The following AK5 variants were observed in gnomAD, a reference collection of about 807,000 sequenced individuals.
AK5 encodes the protein adenylate kinase 5, also known as adenylate kinase isoenzyme 5.
A neutral mutation model predicts 69.5 loss-of-function variants in AK5; 27 were observed. The observed-to-expected ratio is 0.39, with a 90% CI of 0.29 to 0.54. AK5 has a LOEUF of 0.54. Among genes scored for constraint, AK5 ranks in the 20% least tolerant of loss-of-function variants. The probability of loss-of-function intolerance (pLI) is 0.71; values close to 1 mark genes in which losing one functional copy is unlikely to be tolerated. For synonymous variants in AK5, 260 were observed against 244.4 expected, an observed-to-expected ratio of 1.06 and a Z score of -0.60; for missense variants, 531 against 700.4, an observed-to-expected ratio of 0.76 and a Z score of 2.73.
At chr1:77,352,551 T>C (rs1226445338) in intron 6 of AK5, among the ~76,000 whole-genome samples, 3 of 152,212 alleles carry the variant, frequency 2.0e-5, no homozygotes, top group Admixed American at 6.5e-5. Context: ...CCAGAAAATA[T>C]ATTGATAATG....
intron 8 of AK5, among the ~76,000 whole-genome samples, chr1:77,436,261 AT>A (rs951335011): frequency 7.2e-5 from 11 of 152,186 alleles, no homozygotes; most frequent in African/African-American, 2.6e-4. Flanking sequence ...AACAAAGAAC[AT>A]ATTTTTATCC....
chr1:77,472,041 A>G (rs1042812614), intron 8 of AK5, among the ~76,000 whole-genome samples: 17 of 152,224 alleles, frequency 1.1e-4, no homozygotes, highest in East Asian at 5.8e-4. Flanking sequence ...ATGAAATTGT[A>G]TATACTCATA....
intron 5 of AK5, among the ~76,000 whole-genome samples, chr1:77,316,294 G>A (rs1407054456): frequency 6.6e-6 from 1 of 151,976 alleles, no homozygotes; most frequent in African/African-American, 2.4e-5. Flanking sequence ...GAGAGAGTGA[G>A]GCCTGCTGAA....
At chr1:77,468,418 T>G (rs963951736) in intron 8 of AK5, among the ~76,000 whole-genome samples, 3 of 152,166 alleles carry the variant, frequency 2.0e-5, no homozygotes, top group African/African-American at 7.2e-5. Context: ...GGAATATTTG[T>G]GAAGTGCACA....
At chr1:77,387,670 G>T (rs1648122736) in intron 6 of AK5, among the ~76,000 whole-genome samples, 1 of 152,172 alleles carries the variant, frequency 6.6e-6, no homozygotes, top group Non-Finnish European at 1.5e-5. Flanking sequence ...ACTGGACCTA[G>T]AACGTCTTCA....
chr1:77,405,544 A>G (rs1244296613), intron 6 of AK5, among the ~76,000 whole-genome samples: 1 of 152,248 alleles, frequency 6.6e-6, no homozygotes, highest in East Asian at 1.9e-4. Context: ...GATCTCCTGC[A>G]GAGCCAGTAC....
intron 12 of AK5, among the ~76,000 whole-genome samples, chr1:77,534,561 A>G (rs1658852387): frequency 6.6e-6 from 1 of 152,234 alleles, no homozygotes; most frequent in African/African-American, 2.4e-5. Context: ...ATTTTATTTC[A>G]TCCTCACAGC....
chr1:77,518,571 T>C lies in AK5; in HGVS notation c.1155T>C (p.Pro385=). The C allele has an allele frequency of 6.2e-7, 1 of 1,614,052 alleles. No homozygotes were observed. ...ACATGACTTCTTTTCAAGGTGGTCCTGGCTCTGGCAAAGGCACACAGTGTG... is the reference window on the plus strand; with the variant it reads ...ACATGACTTCTTTTCAAGGTGGTCCCGGCTCTGGCAAAGGCACACAGTGTG... ...KCKIIFIIGG[P]GSGKGTQCEK... is the part of the protein sequence containing the mutation. The change falls in exon 11 of 14, where the codon CCT becomes CCC. Residue 385 remains proline, a synonymous_variant. Transcript: ENST00000354567.
intron 13 of AK5, among the ~76,000 whole-genome samples, chr1:77,536,999 A>G (rs1186551137): frequency 6.6e-6 from 1 of 152,208 alleles, no homozygotes; most frequent in African/African-American, 2.4e-5. Context: ...ACTATGTATC[A>G]GGAACCCATA....
intron 6 of AK5, among the ~76,000 whole-genome samples, chr1:77,357,539 G>T (rs1483134993): frequency 6.6e-6 from 1 of 152,134 alleles, no homozygotes; most frequent in Non-Finnish European, 1.5e-5. Context: ...CATTCATTGA[G>T]CACTTCACTG....
intron 8 of AK5, among the ~76,000 whole-genome samples, chr1:77,470,281 G>A (rs1386293248): frequency 6.6e-6 from 1 of 152,158 alleles, no homozygotes; most frequent in Non-Finnish European, 1.5e-5. Context: ...AAGGCGGGAG[G>A]ATCACTTGAG....
At chr1:77,406,574 C>T (rs893033097) in intron 6 of AK5, among the ~76,000 whole-genome samples, 7 of 152,116 alleles carry the variant, frequency 4.6e-5, no homozygotes, top group Non-Finnish European at 8.8e-5. Flanking sequence ...TCAACACTTA[C>T]TGGAGTAGAA....
intron 8 of AK5, among the ~76,000 whole-genome samples, chr1:77,431,979 G>A (rs977808887): frequency 3.3e-5 from 5 of 152,170 alleles, no homozygotes; most frequent in Admixed American, 1.3e-4. Flanking sequence ...GGTTGTGATG[G>A]CCTTTGTGTG....
At chr1:77,293,473 G>A (rs1658801659) in intron 2 of AK5, 1 of 200,746 alleles carries the variant, frequency 5.0e-6, no homozygotes, top group African/African-American at 2.4e-5. Flanking sequence ...AGTTTCATGA[G>A]CCAAGTTCAT....
intron 8 of AK5, among the ~76,000 whole-genome samples, chr1:77,466,681 C>T (rs938199904): frequency 1.3e-5 from 2 of 152,198 alleles, no homozygotes; most frequent in Non-Finnish European, 2.9e-5. Context: ...GATCAAGGTG[C>T]CAGCATCTGG....
At chr1:77,413,093 G>T (rs545860280) in intron 7 of AK5, among the ~76,000 whole-genome samples, 12 of 152,056 alleles carry the variant, frequency 7.9e-5, no homozygotes, top group African/African-American at 2.9e-4. Flanking sequence ...CTGGCCACGA[G>T]TACCCTTAGC....
intron 10 of AK5, among the ~76,000 whole-genome samples, chr1:77,514,104 C>T (rs1171063038): frequency 2.6e-5 from 4 of 152,164 alleles, no homozygotes; most frequent in South Asian, 2.1e-4. Context: ...TATATAGCAC[C>T]TTTGGCCTCA....
At chr1:77,500,167 C>A (rs765886006) in intron 10 of AK5, among the ~76,000 whole-genome samples, 1 of 151,982 alleles carries the variant, frequency 6.6e-6, no homozygotes, top group South Asian at 2.1e-4. Context: ...TAAGAACTAA[C>A]CATAACTAAG....
chr1:77,321,699 G>A (rs1042007125), intron 5 of AK5, among the ~76,000 whole-genome samples: 3 of 152,166 alleles, frequency 2.0e-5, no homozygotes, highest in African/African-American at 7.2e-5. Flanking sequence ...GGAATTGTGA[G>A]GGTGTCGGCT....
Sources: allele counts gnomAD v4.1 joint callset (sites outside exome capture counted in the v4.1 genomes callset), GRCh38; gene constraint gnomAD v4.1.1; transcripts MANE v1.5; gene names NCBI Gene and HGNC (gene_info 2026-07-23, HGNC 2026-07-21).